PRSS12: variants seen among roughly 807,000 people sequenced by gnomAD.
PRSS12 encodes neurotrypsin.
In PRSS12, 85 loss-of-function variants were observed where a neutral mutation model predicts 104.4. The observed-to-expected ratio is 0.81, with a 90% CI of 0.68 to 0.98. The LOEUF (loss-of-function observed/expected upper bound fraction) is 0.98. Ranked by LOEUF, PRSS12 falls within the 50% of genes least tolerant of loss-of-function variation. The pLI is 0.00. For missense variants in PRSS12, 1,141 were observed against 1,139.2 expected (o/e 1.00, Z -0.02); for synonymous variants, 454 against 425.2 (o/e 1.07, Z -0.83).
intron 4 of PRSS12, among the ~76,000 whole-genome samples, chr4:118,327,102 G>A (rs6853304): frequency 0.12 from 18,666 of 152,094 alleles, 1,408 homozygotes; most frequent in South Asian, 0.19. Context: ...GACAAGCTTG[G>A]TTTATACAAT....
At chr4:118,296,100 G>A (rs75215941) in intron 9 of PRSS12, among the ~76,000 whole-genome samples, 2,584 of 152,324 alleles carry the variant, frequency 0.017, 61 homozygotes, top group East Asian at 0.084. Context: ...GCTGCTGACT[G>A]GTTTGACTCT....
At chr4:118,316,083 ATTTT>A (rs1423631168) in intron 6 of PRSS12, 95 bp downstream of exon 6, 6 of 1,346,528 alleles carry the variant, frequency 4.5e-6, no homozygotes, top group Non-Finnish European at 6.3e-6. Flanking sequence ...GAGAACAGGT[ATTTT>A]TATTATTATA....
chr4:118,290,883 T>C (rs1218060319), intron 11 of PRSS12, among the ~76,000 whole-genome samples: 1 of 152,104 alleles, frequency 6.6e-6, no homozygotes, highest in Non-Finnish European at 1.5e-5. Flanking sequence ...AATAATCTTA[T>C]AACTGGTCTC....
chr4:118,321,692 A>G (rs1723628400), intron 4 of PRSS12, among the ~76,000 whole-genome samples: 1 of 152,134 alleles, frequency 6.6e-6, no homozygotes. Flanking sequence ...TTATCTAAAG[A>G]CCATTTGGTA....
At chr4:118,337,481 T>C (rs138946995) in intron 2 of PRSS12, among the ~76,000 whole-genome samples, 7 of 152,284 alleles carry the variant, frequency 4.6e-5, no homozygotes, top group African/African-American at 1.7e-4. Flanking sequence ...GACTGATGAA[T>C]TCAAAATACA....
At chr4:118,346,384 TCA>T (rs149841214) in intron 1 of PRSS12, among the ~76,000 whole-genome samples, 17,530 of 151,808 alleles carry the variant, frequency 0.12, 1,332 homozygotes, top group South Asian at 0.19. Flanking sequence ...ATCTTTATTT[TCA>T]CAGTCATAAT....
chr4:118,335,787 A>C, intron 2 of PRSS12, 136 bp from the exon 3 acceptor site: 2 of 819,304 alleles, frequency 2.4e-6, no homozygotes, highest in Non-Finnish European at 4.0e-6. Context: ...GAAGAAAAAC[A>C]CAAAAGACTA....
intron 2 of PRSS12, among the ~76,000 whole-genome samples, chr4:118,336,496 T>C (rs961060229): frequency 6.6e-6 from 1 of 152,216 alleles, no homozygotes; most frequent in African/African-American, 2.4e-5. Context: ...ATTTGGGGTA[T>C]ATCTAAAATG....
intron 4 of PRSS12, 70 bp downstream of exon 4, chr4:118,331,646 G>T (rs1444107970): frequency 6.3e-7 from 1 of 1,592,982 alleles, no homozygotes; most frequent in Non-Finnish European, 8.6e-7. Flanking sequence ...TAAACAAACA[G>T]CACCTGCCTT....
rs189506325 is a variant in PRSS12 at position 118,333,863 on chromosome 4, C to A, written c.820+1610G>T. The stretch of plus-strand genomic sequence containing the variant: ...TTAGTTAACAGCCCCATCCTTCCAA[C>A]AAACACAAAACTCATTTGAAAGAAA... On this transcript the variant is annotated intron_variant, in intron 3 of 12. Transcript: ENST00000296498. Among the ~76,000 whole-genome samples, 344 of 152,268 alleles carry A rather than the reference C, an allele frequency of 2.3e-3. 2 individuals are homozygous for A. The highest frequency in any genetic ancestry group is 7.9e-3 in the African/African-American group (327 of 41,570).
chr4:118,333,895 T>C (rs1723989270), intron 3 of PRSS12, among the ~76,000 whole-genome samples: 1 of 152,198 alleles, frequency 6.6e-6, no homozygotes, highest in South Asian at 2.1e-4. Context: ...GAAAATTCAG[T>C]AAATCAATGG....
At chr4:118,302,235 T>C (rs1743420667) in intron 8 of PRSS12, among the ~76,000 whole-genome samples, 1 of 152,196 alleles carries the variant, frequency 6.6e-6, no homozygotes, top group East Asian at 1.9e-4. Context: ...GGTATATTGC[T>C]CTTTTAATAC....
intron 5 of PRSS12, among the ~76,000 whole-genome samples, chr4:118,317,371 T>A (rs1291300408): frequency 6.6e-6 from 1 of 152,144 alleles, no homozygotes; most frequent in African/African-American, 2.4e-5. Context: ...CAATGAAACA[T>A]ATAAATAATC....
intron 11 of PRSS12, among the ~76,000 whole-genome samples, chr4:118,286,211 A>C (rs758493357): frequency 1.3e-5 from 2 of 152,102 alleles, no homozygotes; most frequent in African/African-American, 2.4e-5. Context: ...GTACCCTTCA[A>C]GGGATCCCCA....
intron 8 of PRSS12, among the ~76,000 whole-genome samples, chr4:118,300,684 T>C (rs1743384626): frequency 1.3e-5 from 2 of 152,126 alleles, no homozygotes; most frequent in Admixed American, 1.3e-4. Context: ...ATTAAGAATG[T>C]AGCTTTCCTA....
At position 118,335,530 on chromosome 4, in the gene PRSS12, G is replaced by C; in HGVS notation, c.763C>G (p.Gln255Glu). The C allele has an allele frequency of 6.2e-7, 1 of 1,613,944 alleles. No individual in the cohort carries two copies. The highest frequency in any genetic ancestry group is 1.1e-5 in the South Asian group (1 of 91,072). The change falls in exon 3 of 13, where the codon CAG becomes GAG. Residue 255 changes from glutamine to glutamate, a missense_variant. By Grantham distance (29) the Gln-to-Glu change is conservative (BLOSUM62 2). Coordinates refer to ENST00000296498, the MANE Select transcript of PRSS12 (RefSeq NM_003619.4). ...NILLCEKDIW[Q>E]GGVCPQKMAA... ...ATCTTCTGAGGACACACCCCACCCT[G>C]CCAGATGTCTTTTTCACAAAGCAGT...
rs1560773268 is a variant in PRSS12, at chr4:118,310,584, A to ATTT, written c.1490-2008_1490-2007insAAA. On this transcript the variant is annotated intron_variant, in intron 7 of 12. Transcript: ENST00000296498. Reference sequence around the variant, plus strand: ...TTTATTTCCAAAATCTTAAATATATAAAGTTTTTGGAAAAGCTAAACAATC... The same window carrying ATTT: ...TTTATTTCCAAAATCTTAAATATATATTTAAGTTTTTGGAAAAGCTAAACAATC... 1.2e-4 allele frequency among the ~76,000 whole-genome samples: 19 copies of ATTT among 152,338 alleles called. No homozygotes were observed. The South Asian group carries it at 3.9e-3, about 32-fold the overall frequency.
intron 3 of PRSS12, 148 bp from the exon 4 acceptor site, chr4:118,332,014 T>A (rs932855713): frequency 1.1e-6 from 1 of 951,874 alleles, no homozygotes; most frequent in African/African-American, 1.7e-5. Flanking sequence ...TATATATATC[T>A]AATATATTAT....
intron 4 of PRSS12, among the ~76,000 whole-genome samples, chr4:118,324,991 C>T (rs951832070): frequency 2.0e-5 from 3 of 152,116 alleles, no homozygotes; most frequent in Admixed American, 6.5e-5. Context: ...GCGTGAGCCA[C>T]CACGCCCAGC....
Sources: allele counts gnomAD v4.1 joint callset (sites outside exome capture counted in the v4.1 genomes callset), GRCh38; gene constraint gnomAD v4.1.1; transcripts MANE v1.5; gene names NCBI Gene and HGNC (gene_info 2026-07-23, HGNC 2026-07-21).